Variants in ZNF705G observed in about 807,000 individuals in gnomAD.
ZNF705G encodes the protein putative zinc finger protein 705G.
A neutral mutation model predicts 19.6 loss-of-function variants in ZNF705G; 23 were observed. That is an observed-to-expected ratio of 1.17 (90% CI 0.84 to 1.66). The LOEUF is 1.66. ZNF705G is among the 40% of genes most tolerant of loss of function. The pLI is 0.00. For missense variants in ZNF705G, 457 were observed against 354.4 expected (o/e 1.29, Z -2.32); for synonymous variants, 146 against 117.7 (o/e 1.24, Z -1.56).
At position 7,357,781 on chromosome 8, in the gene ZNF705G, G is replaced by A. The variant is rs770034326; in HGVS notation, c.*195C>T. The A allele has an allele frequency of 1.3e-4, 116 of 901,580 alleles. 1 individual carries two copies. The highest frequency in any genetic ancestry group is 1.8e-4 in the Non-Finnish European group (112 of 620,808). 55.8% of individuals were successfully genotyped at this position (901,580 alleles called of 1,614,324 possible). Reference sequence around the variant, plus strand: ...ATGTTTAGATGCTACAACTACAGCTGAAGTCTCTTCCACATTCCTTACCTT... The same window carrying A: ...ATGTTTAGATGCTACAACTACAGCTAAAGTCTCTTCCACATTCCTTACCTT... On this transcript the variant is annotated 3_prime_UTR_variant, in exon 7 of 7. Coordinates refer to ENST00000400156, the MANE Select transcript of ZNF705G (RefSeq NM_001164457.3).
chr8:7,357,107 T>A lies in ZNF705G; in HGVS notation c.*869A>T, dbSNP rs1319362628. 2.7e-5 allele frequency: 4 copies of A among 150,272 alleles called. No homozygotes were observed. The highest frequency in any genetic ancestry group is 5.9e-5 in the Non-Finnish European group (4 of 68,052). The allele number at this position is 150,272 out of a possible 1,614,324, so 9.3% of individuals were successfully genotyped here. On this transcript the variant is annotated 3_prime_UTR_variant, in exon 7 of 7. Transcript: ENST00000400156. ...TCAATGTGAGAAACTCAATGTCAAC[T>A]AAGAAATGAATTACCACTAAAGAAT...
At position 7,357,748 on chromosome 8, in the gene ZNF705G, C is replaced by T. The variant is rs1806340136; in HGVS notation, c.*228G>A. ...TACAGTATTTCTTCAAAATGTGAGTCCTTTGGCATGTTTAGATGCTACAAC... is the reference window on the plus strand; with the variant it reads ...TACAGTATTTCTTCAAAATGTGAGTTCTTTGGCATGTTTAGATGCTACAAC... On this transcript the variant is annotated 3_prime_UTR_variant, in exon 7 of 7. Transcript: ENST00000400156. 1 of 769,248 alleles carries T rather than the reference C, an allele frequency of 1.3e-6. No homozygotes were observed. The highest frequency in any genetic ancestry group is 2.0e-5 in the South Asian group (1 of 50,004). The allele number at this position is 769,248 out of a possible 1,614,324, so 47.7% of individuals were successfully genotyped here.
intron 2 of ZNF705G, among the ~76,000 whole-genome samples, chr8:7,376,666 C>T (rs1807251136): frequency 6.7e-6 from 1 of 149,744 alleles, no homozygotes; most frequent in Admixed American, 6.6e-5. Context: ...AAATTGCAAC[C>T]TCAAAGACCA....
rs1344482727 is a variant in ZNF705G at position 7,357,147 on chromosome 8, A to T, written c.*829T>A. 4 of 150,646 alleles carry T rather than the reference A, an allele frequency of 2.7e-5. 1 individual carries two copies. The highest frequency in any genetic ancestry group is 1.0e-4 in the African/African-American group (4 of 39,272). The allele number at this position is 150,646 out of a possible 1,614,324, so 9.3% of individuals were successfully genotyped here. On this transcript the variant is annotated 3_prime_UTR_variant, in exon 7 of 7. Coordinates refer to ENST00000400156, the MANE Select transcript of ZNF705G (RefSeq NM_001164457.3). ...CACTAAAGAATTTTCTCCTTTCAAG[A>T]TGCTAACCATGTTTTGTCCAGTGAG...
At chr8:7,369,384 C>G (rs1478756669) in intron 2 of ZNF705G, among the ~76,000 whole-genome samples, 1 of 149,248 alleles carries the variant, frequency 6.7e-6, no homozygotes, top group Admixed American at 6.6e-5. Context: ...GGCGTTGGAA[C>G]CCCCACAGAG....
At chr8:7,358,605 A>G (rs1189916827) in intron 6 of ZNF705G, 45 bp from the exon 7 acceptor site, 1 of 1,603,682 alleles carries the variant, frequency 6.2e-7, no homozygotes, top group Non-Finnish European at 8.5e-7. Context: ...ACCCACATAT[A>G]TCTATACATT....
intron 2 of ZNF705G, among the ~76,000 whole-genome samples, chr8:7,378,001 T>C (rs1360002294): frequency 6.8e-6 from 1 of 147,798 alleles, no homozygotes; most frequent in Non-Finnish European, 1.5e-5. Context: ...TGTTATGACT[T>C]GATTACTGTT....
At chr8:7,365,080 G>C (rs1315291118) in intron 2 of ZNF705G, among the ~76,000 whole-genome samples, 1 of 149,442 alleles carries the variant, frequency 6.7e-6, no homozygotes, top group African/African-American at 2.6e-5. Context: ...GACAAAGAAA[G>C]GACAAATATT....
intron 1 of ZNF705G, among the ~76,000 whole-genome samples, chr8:7,384,616 A>C: frequency 6.9e-6 from 1 of 145,398 alleles, no homozygotes; most frequent in East Asian, 1.9e-4. Context: ...AAAATTTAAA[A>C]CTTAATAAGG....
At chr8:7,381,997 T>A (rs1273633328) in intron 1 of ZNF705G, among the ~76,000 whole-genome samples, 2 of 152,216 alleles carry the variant, frequency 1.3e-5, no homozygotes, top group East Asian at 3.8e-4. Context: ...TGCACTTTTG[T>A]TTCATTTTAG....
intron 3 of ZNF705G, 139 bp from the exon 4 acceptor site, chr8:7,361,375 C>T (rs1354974559): frequency 1.4e-6 from 2 of 1,441,404 alleles, no homozygotes; most frequent in Non-Finnish European, 1.9e-6. Context: ...ATTCTCAGTA[C>T]TAAGCTGGTA....
At chr8:7,359,969 A>G (rs532231366) in intron 5 of ZNF705G, among the ~76,000 whole-genome samples, 2 of 149,582 alleles carry the variant, frequency 1.3e-5, no homozygotes, top group South Asian at 4.2e-4. Flanking sequence ...GTATCAGGAA[A>G]AGAGTCAGCA....
chr8:7,367,228 C>T (rs1313356684), intron 2 of ZNF705G, among the ~76,000 whole-genome samples: 1 of 149,512 alleles, frequency 6.7e-6, no homozygotes, highest in East Asian at 1.9e-4. Flanking sequence ...GGTAGAAGAG[C>T]ATGAGCAGGG....
rs1806559517 is a variant in ZNF705G, at chr8:7,360,993, A to G, written c.139+117T>C. On this transcript the variant is annotated intron_variant, in intron 4 of 6. Coordinates refer to ENST00000400156, the MANE Select transcript of ZNF705G (RefSeq NM_001164457.3). The stretch of plus-strand genomic sequence containing the variant: ...AGAGTTCAAACCTTTTTCAGATGAG[A>G]TCTGTGAGAGAATCAGAGAAGAGAT... 1.9e-6 allele frequency: 3 copies of G among 1,563,772 alleles called. No homozygotes were observed. The South Asian group carries it at 3.5e-5, about 18-fold the overall frequency.
chr8:7,359,547 G>A (rs1806471998), intron 6 of ZNF705G, 72 bp downstream of exon 6: 1 of 1,589,868 alleles, frequency 6.3e-7, no homozygotes, highest in East Asian at 2.2e-5. Context: ...AGGTGATTGT[G>A]CTTCATTACT....
intron 2 of ZNF705G, among the ~76,000 whole-genome samples, chr8:7,375,115 G>A (rs1485761433): frequency 2.1e-5 from 2 of 94,252 alleles, no homozygotes; most frequent in Non-Finnish European, 4.2e-5. Context: ...GAGGTTTGGG[G>A]TATGAATAAC....
chr8:7,360,871 A>C (rs1269538688), intron 4 of ZNF705G, among the ~76,000 whole-genome samples: 3 of 149,544 alleles, frequency 2.0e-5, no homozygotes, highest in Non-Finnish European at 2.9e-5. Context: ...TGAGTACCAA[A>C]GAAACCATGA....
chr8:7,384,041 T>C (rs1409011902), intron 1 of ZNF705G, among the ~76,000 whole-genome samples: 1 of 136,058 alleles, frequency 7.3e-6, no homozygotes. Flanking sequence ...AGGTAGATTG[T>C]TGATGAGATG....
Position 7,357,900 on chromosome 8 carries a change from G to T in ZNF705G, c.*76C>A, listed in dbSNP as rs924018741. On this transcript the variant is annotated 3_prime_UTR_variant, in exon 7 of 7. Coordinates refer to ENST00000400156, the MANE Select transcript of ZNF705G (RefSeq NM_001164457.3). ...GGGTGAATTTTCTGATGCTCTTTAA[G>T]ATTAGTACATTGTCTGAAGGCTTTC... The T allele has an allele frequency of 6.3e-7, 1 of 1,590,748 alleles. No homozygotes were observed. The highest frequency in any genetic ancestry group is 1.1e-5 in the South Asian group (1 of 87,180).
Sources: allele counts gnomAD v4.1 joint callset (sites outside exome capture counted in the v4.1 genomes callset), GRCh38; gene constraint gnomAD v4.1.1; transcripts MANE v1.5; gene names NCBI Gene and HGNC (gene_info 2026-07-23, HGNC 2026-07-21).